Variants in DYTN observed in about 807,000 individuals in gnomAD.
The protein encoded by DYTN is dystrotelin.
Under a neutral mutation model 69.6 loss-of-function variants are expected in DYTN, and 75 were observed. That is an observed-to-expected ratio of 1.08 (90% CI 0.89 to 1.31). DYTN has a LOEUF of 1.31. Among genes scored for constraint, DYTN ranks in the 50% most tolerant of loss-of-function variants. DYTN has a pLI of 0.00. For synonymous variants in DYTN, 252 were observed against 249.1 expected (o/e 1.01, Z -0.11); for missense variants, 726 against 688.4 (o/e 1.05, Z -0.61).
Position 206,697,951 on chromosome 2 carries a change from A to C in DYTN, c.719+1776T>G, listed in dbSNP as rs546213589. 2.6e-5 allele frequency among the ~76,000 whole-genome samples: 4 copies of C among 152,340 alleles called. No homozygotes were observed. The South Asian group carries it at 8.3e-4, about 32-fold the overall frequency. ...ATAGAAATAGTATCTGCTTTATGTT[A>C]TACATAATAATTTTGAAAACATATT... is the stretch of plus-strand genomic sequence containing the variant. On this transcript the variant is annotated intron_variant, in intron 7 of 11. Coordinates refer to ENST00000452335, the MANE Select transcript of DYTN (RefSeq NM_001093730.1).
At chr2:206,700,824 A>G (rs866318963) in intron 5 of DYTN, among the ~76,000 whole-genome samples, 1 of 152,018 alleles carries the variant, frequency 6.6e-6, no homozygotes, top group South Asian at 2.1e-4. Flanking sequence ...ATGTGTTCTC[A>G]TTGTTCAACT....
At chr2:206,706,215 C>A (rs557267692) in intron 3 of DYTN, among the ~76,000 whole-genome samples, 548 of 151,876 alleles carry the variant, frequency 3.6e-3, no homozygotes, top group Middle Eastern at 0.01. Flanking sequence ...GGAAACCAAG[C>A]AACAGAGATA....
At chr2:206,678,261 T>A (rs1699711860) in intron 9 of DYTN, among the ~76,000 whole-genome samples, 1 of 152,230 alleles carries the variant, frequency 6.6e-6, no homozygotes, top group Non-Finnish European at 1.5e-5. Flanking sequence ...AAATTAAATA[T>A]ATTCCAGTGA....
In DYTN at chr2:206,707,340, C is replaced by T. The variant is rs747863949; in HGVS notation, c.258G>A (p.Pro86=). ...ENPGQVHPRA[P]ELTLSLLTTM... ...TCGTGAGAAGGCTCAGAGTGAGTTCCGGAGCTCTGGGATGCACTTGTCCTG... is the reference window on the plus strand; with the variant it reads ...TCGTGAGAAGGCTCAGAGTGAGTTCTGGAGCTCTGGGATGCACTTGTCCTG... The change falls in exon 3 of 12, where the codon CCG becomes CCA. Residue 86 remains proline (P), a synonymous_variant. Coordinates refer to ENST00000452335, the MANE Select transcript of DYTN (RefSeq NM_001093730.1). 8 of 1,612,564 alleles carry T rather than the reference C, an allele frequency of 5.0e-6. No individual in the cohort carries two copies. Among genetic ancestry groups the T allele is most frequent in the South Asian group, 2.2e-5 (2 of 90,448 alleles).
chr2:206,659,195 GGAGTCTCACCCTGT>G (rs1699480531), intron 11 of DYTN, among the ~76,000 whole-genome samples: 1 of 130,496 alleles, frequency 7.7e-6, no homozygotes, highest in Non-Finnish European at 1.6e-5. Context: ...TTTTTGAGAC[GGAGTCTCACCCTGT>G]CGCCCAGGTT....
chr2:206,707,049 T>G (rs1171348833), intron 3 of DYTN, among the ~76,000 whole-genome samples: 1 of 151,740 alleles, frequency 6.6e-6, no homozygotes, highest in African/African-American at 2.4e-5. Flanking sequence ...AGAGTAGGAG[T>G]GAATTTGTCT....
chr2:206,683,343 T>C (rs895799566), intron 9 of DYTN, among the ~76,000 whole-genome samples: 3 of 96,926 alleles, frequency 3.1e-5, no homozygotes, highest in Middle Eastern at 4.5e-3. Flanking sequence ...CTTTTTCTTT[T>C]TTTTTTTTTT....
At chr2:206,652,719 G>T (rs568280165) in intron 11 of DYTN, among the ~76,000 whole-genome samples, 7 of 152,210 alleles carry the variant, frequency 4.6e-5, no homozygotes, top group Non-Finnish European at 8.8e-5. Context: ...AGTGAAGAAA[G>T]CAAAAGCATA....
chr2:206,680,705 G>A (rs372221715), intron 9 of DYTN, among the ~76,000 whole-genome samples: 1 of 152,222 alleles, frequency 6.6e-6, no homozygotes, highest in African/African-American at 2.4e-5. Flanking sequence ...CAAATCTTGT[G>A]TATATTTTAA....
intron 5 of DYTN, among the ~76,000 whole-genome samples, chr2:206,703,195 C>A (rs1198824866): frequency 6.6e-6 from 1 of 152,090 alleles, no homozygotes; most frequent in Non-Finnish European, 1.5e-5. Context: ...GCCTGTTGGA[C>A]CAAGTAGTCA....
At chr2:206,653,485 G>A (rs1699410970) in intron 11 of DYTN, among the ~76,000 whole-genome samples, 1 of 152,134 alleles carries the variant, frequency 6.6e-6, no homozygotes, top group South Asian at 2.1e-4. Flanking sequence ...AAATCACAAT[G>A]ACAAAATAAT....
intron 7 of DYTN, 82 bp downstream of exon 7, chr2:206,699,645 A>G: frequency 2.7e-6 from 4 of 1,472,238 alleles, no homozygotes; most frequent in Non-Finnish European, 2.7e-6. Context: ...GGAGGACCCC[A>G]AAAAGAATCT....
At chr2:206,667,697 CGTGTGTGTGTGT>C (rs71410894) in intron 9 of DYTN, among the ~76,000 whole-genome samples, 1 of 144,036 alleles carries the variant, frequency 6.9e-6, no homozygotes, top group Non-Finnish European at 1.5e-5. Flanking sequence ...TTTGCGTGTG[CGTGTGTGTGTGT>C]GTGTGTGTGT....
chr2:206,694,921 A>T, intron 7 of DYTN, 44 bp from the exon 8 acceptor site: 8 of 1,005,860 alleles, frequency 8.0e-6, no homozygotes, highest in Non-Finnish European at 9.3e-6. Context: ...CTAGTAGATG[A>T]GAAAAAAAAA....
At chr2:206,653,361 T>C (rs928633313) in intron 11 of DYTN, among the ~76,000 whole-genome samples, 1 of 152,202 alleles carries the variant, frequency 6.6e-6, no homozygotes, top group African/African-American at 2.4e-5. Flanking sequence ...ACCTAGCATG[T>C]TGCTTGGCAT....
intron 9 of DYTN, among the ~76,000 whole-genome samples, chr2:206,678,315 A>C (rs1208926608): frequency 1.3e-5 from 2 of 152,216 alleles, no homozygotes; most frequent in East Asian, 3.8e-4. Context: ...CAATATTAGC[A>C]AGGATCTTGT....
At position 206,682,199 on chromosome 2, in the gene DYTN, G is replaced by A. The variant is rs10170451; in HGVS notation, c.980+10976C>T. The stretch of plus-strand genomic sequence containing the variant: ...TTACAGTATTCTCTGATGGTAGATT[G>A]TATTTCTGTAGGGTCAATAGTGTAT... On this transcript the variant is annotated intron_variant, in intron 9 of 11. Coordinates refer to ENST00000452335, the MANE Select transcript of DYTN (RefSeq NM_001093730.1). 5.4e-3 allele frequency among the ~76,000 whole-genome samples: 821 copies of A among 152,204 alleles called. 11 individuals are homozygous for A. Among genetic ancestry groups the A allele is most frequent in the African/African-American group, 0.019 (785 of 41,546 alleles).
chr2:206,700,290 AGCTGGTG>A, intron 5 of DYTN, 74 bp from the exon 6 acceptor site: 2 of 1,527,868 alleles, frequency 1.3e-6, no homozygotes, highest in South Asian at 2.2e-5. Context: ...CAGGGCTGAG[AGCTGGTG>A]CCCACGGCTG....
At chr2:206,701,856 T>C (rs1699980736) in intron 5 of DYTN, among the ~76,000 whole-genome samples, 2 of 152,182 alleles carry the variant, frequency 1.3e-5, no homozygotes, top group Non-Finnish European at 2.9e-5. Flanking sequence ...GTGTTAATCT[T>C]TATGCAGTGT....
Sources: gnomAD v4.1 joint callset for allele counts (sites outside exome capture counted in the v4.1 genomes callset) on GRCh38, gnomAD v4.1.1 for gene constraint, MANE v1.5 for transcripts, NCBI Gene and HGNC (gene_info 2026-07-23, HGNC 2026-07-21) for gene names.